ATP8A2: variants seen among roughly 807,000 people sequenced by gnomAD.
ATP8A2 encodes ATPase phospholipid transporting 8A2.
In ATP8A2, 100 loss-of-function variants were observed where a neutral mutation model predicts 165.6. The observed-to-expected ratio is 0.60, with a 90% CI of 0.51 to 0.71. The LOEUF (loss-of-function observed/expected upper bound fraction) is 0.71. Among genes scored for constraint, ATP8A2 ranks in the 30% least tolerant of loss-of-function variants. The probability of loss-of-function intolerance (pLI) is 0.00; values close to 1 mark genes in which losing one functional copy is unlikely to be tolerated. For missense variants in ATP8A2, 1,227 were observed against 1,479.5 expected (o/e 0.83, Z 2.80); for synonymous variants, 543 against 548.8 (o/e 0.99, Z 0.15).
intron 23 of ATP8A2, 33 bp from the exon 24 acceptor site, chr13:25,589,602 G>T (rs771598638): frequency 3.2e-6 from 5 of 1,556,388 alleles, no homozygotes; most frequent in Middle Eastern, 1.7e-4. Context: ...GAAGGAAAGA[G>T]AAATTCACAT....
In ATP8A2 at chr13:25,610,291, A is replaced by G. The variant is rs2040648726; in HGVS notation, c.2211+20592A>G. 3.3e-5 allele frequency among the ~76,000 whole-genome samples: 5 copies of G among 152,200 alleles called. No homozygotes were observed. The South Asian group carries it at 1.0e-3, about 32-fold the overall frequency. On this transcript the variant is annotated intron_variant, in intron 24 of 36. Coordinates refer to ENST00000381655, the MANE Select transcript of ATP8A2 (RefSeq NM_016529.6). ...TGATCCATCTTGAGTTGATTTTTGT[A>G]TAAGGTGACAGATAAGGATCTGGTT...
intron 25 of ATP8A2, among the ~76,000 whole-genome samples, chr13:25,699,841 G>A (rs1016815401): frequency 6.6e-6 from 1 of 151,956 alleles, no homozygotes. Context: ...TTCCTGGGAA[G>A]GTTTTTTTTT....
intron 35 of ATP8A2, among the ~76,000 whole-genome samples, chr13:26,006,982 TTC>T (rs1396045466): frequency 2.0e-5 from 3 of 150,502 alleles, no homozygotes; most frequent in Admixed American, 6.7e-5. Context: ...TTTAAAGAGA[TTC>T]TCTCTTTAAA....
intron 26 of ATP8A2, among the ~76,000 whole-genome samples, chr13:25,773,101 G>T (rs192109171): frequency 1.3e-5 from 2 of 152,274 alleles, no homozygotes; most frequent in Non-Finnish European, 2.9e-5. Context: ...AAATTAATAA[G>T]AAGTATATAA....
intron 24 of ATP8A2, among the ~76,000 whole-genome samples, chr13:25,680,158 A>C (rs895579511): frequency 1.3e-5 from 2 of 151,888 alleles, no homozygotes; most frequent in African/African-American, 4.8e-5. Context: ...TGAGTCCTAA[A>C]CCCCCCTGCA....
intron 2 of ATP8A2, among the ~76,000 whole-genome samples, chr13:25,484,280 G>T (rs2036289056): frequency 1.3e-5 from 2 of 152,104 alleles, no homozygotes; most frequent in African/African-American, 2.4e-5. Flanking sequence ...CCTTAAACTT[G>T]GTCCACATGT....
intron 25 of ATP8A2, among the ~76,000 whole-genome samples, chr13:25,765,865 C>T (rs2044480128): frequency 6.6e-6 from 1 of 152,130 alleles, no homozygotes; most frequent in African/African-American, 2.4e-5. Flanking sequence ...TCAAAAAAAA[C>T]CCGGGTCTGT....
intron 33 of ATP8A2, among the ~76,000 whole-genome samples, chr13:25,960,942 T>C (rs865996707): frequency 6.6e-6 from 1 of 152,186 alleles, no homozygotes; most frequent in Middle Eastern, 3.2e-3. Flanking sequence ...ACTGAAATCG[T>C]GTTCATGTTT....
chr13:25,373,764 A>G (rs1452996538), intron 1 of ATP8A2, among the ~76,000 whole-genome samples: 1 of 152,206 alleles, frequency 6.6e-6, no homozygotes, highest in Non-Finnish European at 1.5e-5. Flanking sequence ...TGAAATGCCT[A>G]CCATAGATCC....
chr13:25,695,356 T>C (rs2042813239), intron 24 of ATP8A2, among the ~76,000 whole-genome samples: 1 of 152,238 alleles, frequency 6.6e-6, no homozygotes, highest in African/African-American at 2.4e-5. Flanking sequence ...TGCTGGCTGA[T>C]CAAGGTGGTG....
intron 1 of ATP8A2, among the ~76,000 whole-genome samples, chr13:25,402,916 G>A (rs2033682813): frequency 6.6e-6 from 1 of 152,150 alleles, no homozygotes; most frequent in South Asian, 2.1e-4. Flanking sequence ...AGTTTCCGAT[G>A]AGGTCCCTGT....
intron 25 of ATP8A2, among the ~76,000 whole-genome samples, chr13:25,701,517 G>T (rs1009027633): frequency 6.6e-6 from 1 of 152,114 alleles, no homozygotes; most frequent in Non-Finnish European, 1.5e-5. Flanking sequence ...TGATCAAGGG[G>T]TCATCCCCCT....
intron 35 of ATP8A2, among the ~76,000 whole-genome samples, chr13:25,973,524 C>A (rs1364708334): frequency 6.6e-6 from 1 of 152,138 alleles, no homozygotes; most frequent in East Asian, 1.9e-4. Context: ...AAAGATTGTT[C>A]CTCCACTCCA....
At chr13:25,381,130 A>C (rs1042362925) in intron 1 of ATP8A2, among the ~76,000 whole-genome samples, 2 of 152,178 alleles carry the variant, frequency 1.3e-5, no homozygotes, top group Admixed American at 6.5e-5. Context: ...GTCAGTATTT[A>C]TGGAGAGGAT....
At chr13:25,857,403 C>T (rs1322336418) in intron 30 of ATP8A2, among the ~76,000 whole-genome samples, 1 of 152,072 alleles carries the variant, frequency 6.6e-6, no homozygotes, top group Non-Finnish European at 1.5e-5. Flanking sequence ...AAGACAGGGT[C>T]TTACACTGTC....
chr13:25,557,393 A>G (rs2039012432), intron 13 of ATP8A2, among the ~76,000 whole-genome samples: 1 of 151,982 alleles, frequency 6.6e-6, no homozygotes, highest in African/African-American at 2.4e-5. Context: ...TCATTCTAGA[A>G]TGGCTTTGTC....
chr13:25,986,108 A>G (rs1467602072), intron 35 of ATP8A2, among the ~76,000 whole-genome samples: 3 of 152,148 alleles, frequency 2.0e-5, no homozygotes, highest in Admixed American at 6.5e-5. Context: ...TAAAAATTGT[A>G]TGTATTCAAG....
chr13:25,916,866 T>A (rs1322178181), intron 33 of ATP8A2, among the ~76,000 whole-genome samples: 1 of 152,198 alleles, frequency 6.6e-6, no homozygotes, highest in East Asian at 1.9e-4. Context: ...TATCTCTATT[T>A]ATGTTTTTCT....
At chr13:25,627,971 A>G (rs1047823855) in intron 24 of ATP8A2, among the ~76,000 whole-genome samples, 9 of 152,306 alleles carry the variant, frequency 5.9e-5, no homozygotes, top group African/African-American at 2.2e-4. Context: ...AGGTGAACTG[A>G]GTCTATGGCT....
Sources: gnomAD v4.1 joint callset for allele counts (sites outside exome capture counted in the v4.1 genomes callset) on GRCh38, gnomAD v4.1.1 for gene constraint, MANE v1.5 for transcripts, NCBI Gene and HGNC (gene_info 2026-07-23, HGNC 2026-07-21) for gene names.